Variants in CTIF observed in about 807,000 individuals in gnomAD.
CTIF encodes CBP80/20-dependent translation initiation factor.
A neutral mutation model predicts 66.0 loss-of-function variants in CTIF; 21 were observed. The observed-to-expected ratio is 0.32, with a 90% CI of 0.23 to 0.46. CTIF has a LOEUF of 0.46. CTIF is among the 20% of genes least tolerant of loss of function. The pLI is 1.00. For missense variants in CTIF, 739 were observed against 812.7 expected, an observed-to-expected ratio of 0.91 and a Z score of 1.10; for synonymous variants, 345 against 326.4, an observed-to-expected ratio of 1.06 and a Z score of -0.62.
intron 10 of CTIF, chr18:48,826,722 T>C (rs1004057705): frequency 7.2e-5 from 11 of 152,154 alleles, no homozygotes; most frequent in African/African-American, 2.7e-4. Context: ...TTGCTCGGAG[T>C]CTGTGCTCAT....
chr18:48,815,933 C>G (rs940773327), intron 9 of CTIF, among the ~76,000 whole-genome samples: 2 of 152,186 alleles, frequency 1.3e-5, no homozygotes, highest in African/African-American at 4.8e-5. Context: ...TCCATCAACC[C>G]TTACAACCCA....
chr18:48,762,210 C>T (rs903477571), intron 9 of CTIF, among the ~76,000 whole-genome samples: 20 of 152,156 alleles, frequency 1.3e-4, no homozygotes, highest in South Asian at 2.1e-4. Context: ...AGGGAAGTCA[C>T]GGTGATGCAA....
At chr18:48,691,929 T>C (rs2091931441) in intron 6 of CTIF, among the ~76,000 whole-genome samples, 1 of 152,202 alleles carries the variant, frequency 6.6e-6, no homozygotes, top group African/African-American at 2.4e-5. Flanking sequence ...TCACCCAGGC[T>C]AGAGCACAGT....
At chr18:48,805,220 A>G (rs1240992801) in intron 9 of CTIF, among the ~76,000 whole-genome samples, 1 of 152,194 alleles carries the variant, frequency 6.6e-6, no homozygotes, top group Non-Finnish European at 1.5e-5. Context: ...AACAGGTGCC[A>G]AGGAAGGACT....
rs1429396347 is a variant in CTIF, at chr18:48,755,606, G to A, written c.585-2313G>A. 4.6e-5 allele frequency: 7 copies of A among 152,356 alleles called. No homozygotes were observed. The East Asian group carries it at 1.2e-3, about 25-fold the overall frequency. The allele number at this position is 152,356 out of a possible 1,614,324, so 9.4% of individuals were successfully genotyped here. A position where few individuals can be genotyped will look rare whatever the true frequency, so the allele number is the denominator to read the frequency against. ...TTTCAGCAATGCCAGTGAGGAGGGG[G>A]GTGTGTTTGGGAATGGAGGGGCTGC... is the stretch of plus-strand genomic sequence containing the variant. On this transcript the variant is annotated intron_variant, in intron 7 of 11. Transcript: ENST00000256413.
At chr18:48,851,912 A>G (rs1367050741) in intron 10 of CTIF, among the ~76,000 whole-genome samples, 1 of 152,072 alleles carries the variant, frequency 6.6e-6, no homozygotes, top group Non-Finnish European at 1.5e-5. Context: ...CTAGGGAAGC[A>G]TATGAGGGAA....
At chr18:48,849,517 A>T (rs973297397) in intron 10 of CTIF, among the ~76,000 whole-genome samples, 2 of 148,548 alleles carry the variant, frequency 1.3e-5, no homozygotes, top group South Asian at 2.1e-4. Flanking sequence ...TTTAAAAACC[A>T]TTTTTTATTG....
At chr18:48,742,711 A>C (rs1365620820) in intron 7 of CTIF, among the ~76,000 whole-genome samples, 1 of 152,262 alleles carries the variant, frequency 6.6e-6, no homozygotes, top group Non-Finnish European at 1.5e-5. Flanking sequence ...AAACTGAGGC[A>C]TGGACAGTAA....
chr18:48,730,349 TCCTGCTGTGTGAGGGGCC>T (rs2092433173), intron 7 of CTIF, among the ~76,000 whole-genome samples: 5 of 82,456 alleles, frequency 6.1e-5, no homozygotes, highest in African/African-American at 1.6e-4. Flanking sequence ...TGTGAGGGGC[TCCTGCTGTGTGAGGGGCC>T]CCTGCGGTGT....
chr18:48,592,674 T>C (rs1339967023), intron 1 of CTIF, among the ~76,000 whole-genome samples: 1 of 152,174 alleles, frequency 6.6e-6, no homozygotes, highest in Non-Finnish European at 1.5e-5. Flanking sequence ...CCACTGTCAT[T>C]CCCATGACAC....
At chr18:48,576,080 C>T (rs918564369) in intron 1 of CTIF, among the ~76,000 whole-genome samples, 5 of 152,254 alleles carry the variant, frequency 3.3e-5, no homozygotes, top group African/African-American at 4.8e-5. Flanking sequence ...TCCCGGTCCT[C>T]GGGCAGCGGC....
chr18:48,800,594 G>A (rs1219879772), intron 9 of CTIF, among the ~76,000 whole-genome samples: 14 of 152,224 alleles, frequency 9.2e-5, no homozygotes. Context: ...ACCTGGCATG[G>A]ATAACCCCCC....
intron 9 of CTIF, among the ~76,000 whole-genome samples, chr18:48,767,186 G>A (rs941347995): frequency 3.9e-5 from 6 of 152,206 alleles, no homozygotes; most frequent in Non-Finnish European, 5.9e-5. Context: ...TGCCCAGGGT[G>A]CCTGGGTTAG....
At chr18:48,703,397 G>T (rs987498622) in intron 6 of CTIF, among the ~76,000 whole-genome samples, 121 of 152,242 alleles carry the variant, frequency 7.9e-4, no homozygotes, top group Non-Finnish European at 2.6e-4. Context: ...CCTGGCCTGG[G>T]CTAGGATCCC....
chr18:48,624,412 A>G (rs2090556312), intron 2 of CTIF, among the ~76,000 whole-genome samples: 1 of 152,108 alleles, frequency 6.6e-6, no homozygotes, highest in Non-Finnish European at 1.5e-5. Flanking sequence ...ACAGGCCATG[A>G]CTGATTGGGT....
intron 2 of CTIF, among the ~76,000 whole-genome samples, chr18:48,628,492 C>T (rs299708): frequency 0.41 from 62,979 of 152,022 alleles, 15,747 homozygotes; most frequent in African/African-American, 0.71. Context: ...AGGGAGGAAA[C>T]TGAAGCACAG....
At chr18:48,799,779 A>G (rs757786675) in intron 9 of CTIF, among the ~76,000 whole-genome samples, 23 of 152,214 alleles carry the variant, frequency 1.5e-4, no homozygotes, top group Non-Finnish European at 1.3e-4. Flanking sequence ...TTCAGTTAAC[A>G]GATACACACT....
chr18:48,591,823 T>C (rs1032541165), intron 1 of CTIF, among the ~76,000 whole-genome samples: 2 of 152,218 alleles, frequency 1.3e-5, no homozygotes, highest in African/African-American at 4.8e-5. Flanking sequence ...TCATAGCTCA[T>C]TGTAGCCTCC....
At chr18:48,585,984 T>C (rs561663041) in intron 1 of CTIF, among the ~76,000 whole-genome samples, 1 of 152,334 alleles carries the variant, frequency 6.6e-6, no homozygotes, top group East Asian at 1.9e-4. Context: ...AACTCTTGCT[T>C]CTGTGTGTTG....
Sources: gnomAD v4.1 joint callset for allele counts (sites outside exome capture counted in the v4.1 genomes callset) on GRCh38, gnomAD v4.1.1 for gene constraint, MANE v1.5 for transcripts, NCBI Gene and HGNC (gene_info 2026-07-23, HGNC 2026-07-21) for gene names.